Variants in IL6ST observed in about 807,000 individuals in gnomAD.
IL6ST encodes interleukin-6 receptor subunit beta.
IL6ST carries 24 observed loss-of-function variants against 91.3 expected under a neutral mutation model. The observed-to-expected ratio is 0.26, with a 90% CI of 0.19 to 0.37. The LOEUF (loss-of-function observed/expected upper bound fraction) is 0.37, where lower values mean the gene tolerates loss of function less well. Among genes scored for constraint, IL6ST ranks in the 10% least tolerant of loss-of-function variants. IL6ST has a pLI of 1.00. For synonymous variants in IL6ST, 351 were observed against 373.6 expected (o/e 0.94, Z 0.70); for missense variants, 914 against 1,078.5 (o/e 0.85, Z 2.14).
intron 1 of IL6ST, among the ~76,000 whole-genome samples, chr5:55,992,008 C>CT (rs1393204387): frequency 6.6e-6 from 1 of 152,216 alleles, no homozygotes; most frequent in Non-Finnish European, 1.5e-5. Flanking sequence ...TAGACTTCCT[C>CT]TAACATACCT....
chr5:55,987,584 T>C (rs563910390), intron 1 of IL6ST, among the ~76,000 whole-genome samples: 1 of 152,318 alleles, frequency 6.6e-6, no homozygotes, highest in South Asian at 2.1e-4. Context: ...AGAACCAGAT[T>C]GCTTGTGTTC....
chr5:55,961,758 C>CAAA (rs539670850), intron 7 of IL6ST, among the ~76,000 whole-genome samples: 3 of 110,442 alleles, frequency 2.7e-5, no homozygotes, highest in African/African-American at 9.4e-5. Flanking sequence ...AACTCCATCT[C>CAAA]AAAAAAAAAA....
At chr5:55,952,676 G>A (rs2111683522) in intron 11 of IL6ST, among the ~76,000 whole-genome samples, 1 of 152,274 alleles carries the variant, frequency 6.6e-6, no homozygotes, top group South Asian at 2.1e-4. Context: ...CTACAAGAGA[G>A]AACAGCCTAA....
intron 11 of IL6ST, 40 bp downstream of exon 11, chr5:55,954,769 AG>A: frequency 2.7e-6 from 4 of 1,470,404 alleles, no homozygotes; most frequent in Non-Finnish European, 3.7e-6. Flanking sequence ...CTAAAGAGTT[AG>A]AAAAAGGATA....
chr5:55,993,584 A>C (rs545770911), intron 1 of IL6ST, among the ~76,000 whole-genome samples: 3 of 152,340 alleles, frequency 2.0e-5, no homozygotes, highest in African/African-American at 7.2e-5. Flanking sequence ...GTCAATACAT[A>C]CTTAAAATAA....
chr5:55,964,235 T>C lies in IL6ST; in HGVS notation c.569A>G (p.Tyr190Cys), dbSNP rs1752507728. The C allele has an allele frequency of 6.2e-7, 1 of 1,611,124 alleles. No homozygotes were observed. Among genetic ancestry groups the C allele is most frequent in the Non-Finnish European group, 8.5e-7 (1 of 1,177,810 alleles). ...TACCCAGACTTCAATGTTGACAAAA[T>C]ACACAGTAGAATAATCAACAGTGCA... ...TSCTVDYSTV[Y>C]FVNIEVWVEA... Residue 190 changes from tyrosine to cysteine, a missense_variant, in exon 6 of 17, where the codon TAT (tyrosine) becomes TGT (cysteine). Coordinates refer to ENST00000381298, the MANE Select transcript of IL6ST (RefSeq NM_002184.4).
At chr5:55,949,529 C>T (rs1025992847) in intron 14 of IL6ST, among the ~76,000 whole-genome samples, 4 of 152,038 alleles carry the variant, frequency 2.6e-5, no homozygotes, top group Admixed American at 6.6e-5. Context: ...TGTGTACACA[C>T]ACACATACAT....
At chr5:55,979,586 G>A (rs1016733065) in intron 2 of IL6ST, among the ~76,000 whole-genome samples, 4 of 152,108 alleles carry the variant, frequency 2.6e-5, no homozygotes, top group African/African-American at 4.8e-5. Flanking sequence ...CGAAAGTATC[G>A]TCACACACTA....
chr5:55,946,999 T>G (rs1751303334), intron 15 of IL6ST, among the ~76,000 whole-genome samples: 1 of 152,026 alleles, frequency 6.6e-6, no homozygotes, highest in Non-Finnish European at 1.5e-5. Context: ...GGTCAGGAGT[T>G]CGAGACCAGC....
At chr5:55,954,735 A>G in intron 11 of IL6ST, 75 bp downstream of exon 11, 2 of 1,147,542 alleles carry the variant, frequency 1.7e-6, no homozygotes, top group Non-Finnish European at 2.5e-6. Flanking sequence ...GGACCAAAAC[A>G]CTATAAGCAA....
chr5:55,948,630 G>A (rs2111650708), intron 14 of IL6ST, among the ~76,000 whole-genome samples: 1 of 152,126 alleles, frequency 6.6e-6, no homozygotes, highest in Non-Finnish European at 1.5e-5. Context: ...GTATGTATGT[G>A]TGTATATATA....
At chr5:55,967,309 C>CAAAAAAAAAAAAAAA (rs60547666) in intron 5 of IL6ST, among the ~76,000 whole-genome samples, 3 of 31,902 alleles carry the variant, frequency 9.4e-5, no homozygotes, top group Admixed American at 6.1e-4. Context: ...GACTCCATCT[C>CAAAAAAAAAAAAAAA]AAAAAAAAAA....
At position 55,981,566 on chromosome 5, in the gene IL6ST, C is replaced by A. The variant is rs185389367; in HGVS notation, c.-16+1158G>T. Among the ~76,000 whole-genome samples, 333 of 152,162 alleles carry A rather than the reference C, an allele frequency of 2.2e-3. 2 individuals are homozygous for A. Among genetic ancestry groups the A allele is most frequent in the African/African-American group, 7.7e-3 (319 of 41,506 alleles). ...GCTGAGGTAGGAGAATCACTTGAAC[C>A]TGGGAGGCGGAGGTTGCAGCGAGCC... On this transcript the variant is annotated intron_variant, in intron 2 of 16. Transcript: ENST00000381298.
chr5:55,940,543 C>A lies in IL6ST; in HGVS notation c.*539G>T. The stretch of plus-strand genomic sequence containing the variant: ...GGAATACCGTGTACACTGATATACA[C>A]GAAGCTGCTCCTCATTTTTTTGTCA... On this transcript the variant is annotated 3_prime_UTR_variant, in exon 17 of 17. Coordinates refer to ENST00000381298, the MANE Select transcript of IL6ST (RefSeq NM_002184.4). 4.7e-6 allele frequency: 1 copy of A among 214,286 alleles called. No individual in the cohort carries two copies. Among genetic ancestry groups the A allele is most frequent in the Non-Finnish European group, 9.4e-6 (1 of 106,026 alleles). 13.3% of individuals were successfully genotyped at this position (214,286 alleles called of 1,614,324 possible). A position where few individuals can be genotyped will look rare whatever the true frequency, so the allele number is the denominator to read the frequency against.
intron 15 of IL6ST, among the ~76,000 whole-genome samples, chr5:55,945,896 G>A (rs951258393): frequency 6.6e-6 from 1 of 151,846 alleles, no homozygotes; most frequent in African/African-American, 2.4e-5. Flanking sequence ...TGAGCCGCCC[G>A]CCTTGACCTC....
chr5:55,937,007 C>CT lies in IL6ST; in HGVS notation c.*4074dup, dbSNP rs1750573801. ...TATTCAATACACATACATATTGAGA[C>CT]TAGAGAATTTTCAAATATCTACCTT... On this transcript the variant is annotated 3_prime_UTR_variant, in exon 17 of 17. Coordinates refer to ENST00000381298, the MANE Select transcript of IL6ST (RefSeq NM_002184.4). The CT allele has an allele frequency of 5.0e-6, 1 of 200,452 alleles. No homozygotes were observed. Among genetic ancestry groups the CT allele is most frequent in the South Asian group, 1.9e-4 (1 of 5,226 alleles). 12.4% of individuals were successfully genotyped at this position (200,452 alleles called of 1,614,324 possible).
In IL6ST at chr5:55,947,484, G is replaced by A. The variant is rs2111637349; in HGVS notation, c.1937+9C>T. On this transcript the variant is annotated intron_variant, in intron 15 of 16. Transcript: ENST00000381298. ...GGGAAAATGCAAAAATATGAATAAA[G>A]TTACTTACAGGTCTCGCTTATTAAA... 1 of 1,427,620 alleles carries A rather than the reference G, an allele frequency of 7.0e-7. No individual in the cohort carries two copies. The highest frequency in any genetic ancestry group is 9.6e-7 in the Non-Finnish European group (1 of 1,045,396). 88.4% of individuals were successfully genotyped at this position (1,427,620 alleles called of 1,614,324 possible). A position where few individuals can be genotyped will look rare whatever the true frequency, so the allele number is the denominator to read the frequency against.
rs964609883 is a variant in IL6ST, at chr5:55,935,849, G to A, written c.*5233C>T. ...GGCTAGAGAAAGAGTATGCTCTCAA[G>A]GAGTTACATAATCTTTTCCAAAGCA... On this transcript the variant is annotated 3_prime_UTR_variant, in exon 17 of 17. Transcript: ENST00000381298. 3 of 217,806 alleles carry A rather than the reference G, an allele frequency of 1.4e-5. No individual in the cohort carries two copies. Among genetic ancestry groups the A allele is most frequent in the African/African-American group, 6.7e-5 (3 of 44,510 alleles). 13.5% of individuals were successfully genotyped at this position (217,806 alleles called of 1,614,324 possible).
At position 55,947,592 on chromosome 5, in the gene IL6ST, TAAAAA is replaced by T. The variant is rs71602925; in HGVS notation, c.1841-8_1841-4del. 1,034 of 389,100 alleles carry T rather than the reference TAAAAA, an allele frequency of 2.7e-3. No homozygotes were observed. The highest frequency in any genetic ancestry group is 3.0e-3 in the East Asian group (72 of 24,320). 24.1% of individuals were successfully genotyped at this position (389,100 alleles called of 1,614,324 possible). A position where few individuals can be genotyped will look rare whatever the true frequency, so the allele number is the denominator to read the frequency against. On this transcript the variant is annotated splice_polypyrimidine_tract_variant and splice_region_variant and intron_variant, in intron 14 of 16. Transcript: ENST00000381298. The stretch of plus-strand genomic sequence containing the variant: ...TATGGCTTCAATTTCTCCTTGAGCT[TAAAAA>T]AAAAAAAAAAAAAAAAAAAAGAGGT...
Sources: allele counts gnomAD v4.1 joint callset (sites outside exome capture counted in the v4.1 genomes callset), GRCh38; gene constraint gnomAD v4.1.1; transcripts MANE v1.5; gene names NCBI Gene and HGNC (gene_info 2026-07-23, HGNC 2026-07-21).